The following PCDHA10 variants were observed in gnomAD, a reference collection of about 807,000 sequenced individuals.
PCDHA10 encodes protocadherin alpha-10.
A neutral mutation model predicts 61.2 loss-of-function variants in PCDHA10; 45 were observed. That is an observed-to-expected ratio of 0.74 (90% CI 0.58 to 0.94). The LOEUF is 0.94. Among genes scored for constraint, PCDHA10 ranks in the 40% least tolerant of loss-of-function variants. The probability of loss-of-function intolerance (pLI) is 0.00; values close to 1 mark genes in which losing one functional copy is unlikely to be tolerated. For synonymous variants in PCDHA10, 602 were observed against 548.8 expected (o/e 1.10, Z -1.35); for missense variants, 1,278 against 1,236.2 (o/e 1.03, Z -0.51).
At chr5:140,980,440 G>A (rs1317929590) in intron 2 of PCDHA10, among the ~76,000 whole-genome samples, 1 of 152,144 alleles carries the variant, frequency 6.6e-6, no homozygotes, top group African/African-American at 2.4e-5. Flanking sequence ...GACCATCCTG[G>A]ACAACACGGT....
chr5:140,887,326 G>A (rs1344500973), intron 1 of PCDHA10, among the ~76,000 whole-genome samples: 7 of 152,230 alleles, frequency 4.6e-5, no homozygotes, highest in South Asian at 2.1e-4. Context: ...TCGAACTCCT[G>A]ACCTCGTGAT....
At chr5:140,987,949 A>G (rs1251112253) in intron 3 of PCDHA10, among the ~76,000 whole-genome samples, 1 of 152,162 alleles carries the variant, frequency 6.6e-6, no homozygotes, top group Non-Finnish European at 1.5e-5. Context: ...CTGTCTGACA[A>G]AACCAACTCC....
At chr5:140,866,372 A>G (rs1260781135) in intron 1 of PCDHA10, 2 of 152,168 alleles carry the variant, frequency 1.3e-5, no homozygotes, top group Non-Finnish European at 2.9e-5. Flanking sequence ...GCATACTTCA[A>G]TAACAATTTT....
At position 140,931,063 on chromosome 5, in the gene PCDHA10, A is replaced by C. The variant is rs1584700470; in HGVS notation, c.2389-47886A>C. Among the ~76,000 whole-genome samples, 4 of 152,202 alleles carry C rather than the reference A, an allele frequency of 2.6e-5. No individual in the cohort carries two copies. In the South Asian group the frequency reaches 8.3e-4, roughly 31 times the overall value. On this transcript the variant is annotated intron_variant, in intron 1 of 3. Coordinates refer to ENST00000307360, the MANE Select transcript of PCDHA10 (RefSeq NM_018901.4). ...GAAAAACTTCAATGCTGTGTCTGGGACTAAGTATGAGTCCAGTTCTACAGA... is the reference window on the plus strand; with the variant it reads ...GAAAAACTTCAATGCTGTGTCTGGGCCTAAGTATGAGTCCAGTTCTACAGA...
chr5:141,009,062 A>G (rs1466818539), intron 3 of PCDHA10, among the ~76,000 whole-genome samples: 1 of 152,240 alleles, frequency 6.6e-6, no homozygotes, highest in East Asian at 1.9e-4. Context: ...TCACAACTGT[A>G]TTCTTTAGGA....
chr5:140,878,318 C>T (rs2057536608), intron 1 of PCDHA10, among the ~76,000 whole-genome samples: 1 of 152,176 alleles, frequency 6.6e-6, no homozygotes, highest in African/African-American at 2.4e-5. Context: ...TAGACATTTT[C>T]ACATTATATT....
At chr5:140,909,951 G>A (rs560555991) in intron 1 of PCDHA10, among the ~76,000 whole-genome samples, 401 of 152,302 alleles carry the variant, frequency 2.6e-3, no homozygotes, top group African/African-American at 8.3e-3. Context: ...GTAAAAAGCC[G>A]TAGGTCTCCA....
intron 1 of PCDHA10, among the ~76,000 whole-genome samples, chr5:140,889,804 G>A (rs940898112): frequency 1.3e-5 from 2 of 152,112 alleles, no homozygotes; most frequent in African/African-American, 2.4e-5. Context: ...TGGGATTTAT[G>A]AAGTCAGGTC....
At chr5:140,876,480 C>T (rs368324550) in intron 1 of PCDHA10, 10 of 1,613,874 alleles carry the variant, frequency 6.2e-6, no homozygotes, top group Non-Finnish European at 8.5e-6. Context: ...ACAGCATGGT[C>T]CTGGTGGAAG....
chr5:140,972,386 A>G (rs2096534472), intron 1 of PCDHA10, among the ~76,000 whole-genome samples: 1 of 148,802 alleles, frequency 6.7e-6, no homozygotes, highest in African/African-American at 2.5e-5. Flanking sequence ...GTATTTGTTT[A>G]TTTGCTTCAC....
chr5:140,903,753 A>T (rs1554191101), intron 1 of PCDHA10, among the ~76,000 whole-genome samples: 2 of 152,186 alleles, frequency 1.3e-5, no homozygotes, highest in African/African-American at 4.8e-5. Context: ...GTTTCCCTTG[A>T]TTTTTGCTGA....
intron 3 of PCDHA10, among the ~76,000 whole-genome samples, chr5:140,999,235 T>C (rs1407252981): frequency 6.6e-6 from 1 of 152,154 alleles, no homozygotes; most frequent in Non-Finnish European, 1.5e-5. Context: ...GAATAGGTGG[T>C]TAAAGTGGGA....
At chr5:140,892,702 A>G (rs1391662001) in intron 1 of PCDHA10, among the ~76,000 whole-genome samples, 1 of 152,240 alleles carries the variant, frequency 6.6e-6, no homozygotes, top group Admixed American at 6.5e-5. Flanking sequence ...AAATCAGGGT[A>G]ATTAGCATAT....
At chr5:140,954,015 C>T (rs1322183660) in intron 1 of PCDHA10, among the ~76,000 whole-genome samples, 4 of 152,136 alleles carry the variant, frequency 2.6e-5, no homozygotes, top group African/African-American at 7.2e-5. Context: ...AGCTCCCACA[C>T]ATAGTGGGAC....
chr5:140,911,515 T>C (rs2075517327), intron 1 of PCDHA10, among the ~76,000 whole-genome samples: 1 of 152,226 alleles, frequency 6.6e-6, no homozygotes, highest in African/African-American at 2.4e-5. Flanking sequence ...CAGTATCTGC[T>C]TCTGAAGCTA....
chr5:140,922,581 C>T (rs893700923), intron 1 of PCDHA10, among the ~76,000 whole-genome samples: 2 of 152,104 alleles, frequency 1.3e-5, no homozygotes, highest in Non-Finnish European at 2.9e-5. Context: ...GCCCTGTAGC[C>T]GCCAGTTCTC....
chr5:140,968,652 A>G, intron 1 of PCDHA10: 1 of 1,614,118 alleles, frequency 6.2e-7, no homozygotes, highest in Non-Finnish European at 8.5e-7. Context: ...CAGACTTCTG[A>G]CCTGGACCTC....
At chr5:140,918,051 A>C (rs782531005) in intron 1 of PCDHA10, among the ~76,000 whole-genome samples, 4 of 151,984 alleles carry the variant, frequency 2.6e-5, no homozygotes, top group Admixed American at 2.0e-4. Flanking sequence ...CATTTGTTTT[A>C]TCATCTCTGA....
At chr5:141,008,426 C>T (rs2098375902) in intron 3 of PCDHA10, among the ~76,000 whole-genome samples, 1 of 152,170 alleles carries the variant, frequency 6.6e-6, no homozygotes, top group Non-Finnish European at 1.5e-5. Flanking sequence ...ACTGGGATCA[C>T]TTTGCCCAGA....
Sources: allele counts gnomAD v4.1 joint callset (sites outside exome capture counted in the v4.1 genomes callset), GRCh38; gene constraint gnomAD v4.1.1; transcripts MANE v1.5; gene names NCBI Gene and HGNC (gene_info 2026-07-23, HGNC 2026-07-21).